NPAS3: variants seen among roughly 807,000 people sequenced by gnomAD.
NPAS3 encodes the protein neuronal PAS domain protein 3.
Under a neutral mutation model 73.1 loss-of-function variants are expected in NPAS3, and 14 were observed. The ratio of observed to expected loss-of-function variants is 0.19; its 90% CI spans 0.13 to 0.30. The LOEUF is 0.30. NPAS3 is among the 10% of genes least tolerant of loss of function. The pLI is 1.00. For synonymous variants in NPAS3, 620 were observed against 541.5 expected (o/e 1.14, Z -2.01); for missense variants, 1,096 against 1,250.0 (o/e 0.88, Z 1.86).
At chr14:33,141,472 T>C (rs1167791684) in intron 2 of NPAS3, among the ~76,000 whole-genome samples, 2 of 152,188 alleles carry the variant, frequency 1.3e-5, no homozygotes, top group African/African-American at 4.8e-5. Context: ...CAGACAAATA[T>C]AAAGATGAAA....
chr14:33,092,391 C>T (rs1342745512), intron 2 of NPAS3, among the ~76,000 whole-genome samples: 1 of 152,068 alleles, frequency 6.6e-6, no homozygotes, highest in African/African-American at 2.4e-5. Context: ...GAATAAAATA[C>T]CTAGGAATCC....
chr14:33,198,885 G>T (rs369718152), intron 2 of NPAS3, among the ~76,000 whole-genome samples: 1 of 152,332 alleles, frequency 6.6e-6, no homozygotes, highest in East Asian at 1.9e-4. Flanking sequence ...GCCCCACAGG[G>T]AGGTGGCTGA....
chr14:33,478,992 A>G (rs1193081956), intron 4 of NPAS3, among the ~76,000 whole-genome samples: 2 of 152,198 alleles, frequency 1.3e-5, no homozygotes, highest in African/African-American at 4.8e-5. Context: ...AGGTAGAAAC[A>G]TCACAGCTAG....
At chr14:33,149,484 T>C (rs938294853) in intron 2 of NPAS3, among the ~76,000 whole-genome samples, 8 of 152,236 alleles carry the variant, frequency 5.3e-5, no homozygotes, top group Admixed American at 5.2e-4. Flanking sequence ...CTTTTGATGG[T>C]ACATGACTTG....
chr14:33,746,114 A>C (rs1261878369), intron 7 of NPAS3, among the ~76,000 whole-genome samples: 1 of 152,052 alleles, frequency 6.6e-6, no homozygotes, highest in African/African-American at 2.4e-5. Flanking sequence ...GCTGCACCTG[A>C]GAGGTAGTAT....
At chr14:33,218,976 G>C (rs2047324869) in intron 3 of NPAS3, among the ~76,000 whole-genome samples, 1 of 152,164 alleles carries the variant, frequency 6.6e-6, no homozygotes. Context: ...TTACTTCATG[G>C]AAATGATAGG....
chr14:33,666,202 T>C (rs181101108), intron 5 of NPAS3, among the ~76,000 whole-genome samples: 2 of 152,340 alleles, frequency 1.3e-5, no homozygotes, highest in East Asian at 3.9e-4. Context: ...CTCTGCCTAA[T>C]GCTTCCCCAA....
intron 2 of NPAS3, among the ~76,000 whole-genome samples, chr14:33,164,132 A>ACAAGTTC (rs2045030265): frequency 6.6e-6 from 1 of 152,236 alleles, no homozygotes; most frequent in Admixed American, 6.5e-5. Context: ...GTGAAAATTC[A>ACAAGTTC]TGTGTTCTCT....
chr14:33,198,732 T>G (rs2046483514), intron 2 of NPAS3, among the ~76,000 whole-genome samples: 1 of 152,182 alleles, frequency 6.6e-6, no homozygotes, highest in African/African-American at 2.4e-5. Flanking sequence ...CCCTGCGCCA[T>G]TCGCCTGCAC....
chr14:33,328,811 A>C (rs1016884388), intron 3 of NPAS3, among the ~76,000 whole-genome samples: 17 of 151,280 alleles, frequency 1.1e-4, no homozygotes, highest in African/African-American at 4.1e-4. Context: ...TACTCCTTTA[A>C]CTTCTGTGTT....
intron 4 of NPAS3, among the ~76,000 whole-genome samples, chr14:33,480,471 G>C (rs1227751637): frequency 6.6e-6 from 1 of 151,698 alleles, no homozygotes; most frequent in Non-Finnish European, 1.5e-5. Flanking sequence ...AACTTCCAAG[G>C]CAGTGAATTC....
intron 4 of NPAS3, among the ~76,000 whole-genome samples, chr14:33,381,625 C>A (rs2046557650): frequency 6.6e-6 from 1 of 151,980 alleles, no homozygotes; most frequent in African/African-American, 2.4e-5. Flanking sequence ...GGATTCGAAC[C>A]CTGAGGTGGA....
chr14:33,768,643 G>A (rs2062542156), intron 7 of NPAS3, among the ~76,000 whole-genome samples: 2 of 152,084 alleles, frequency 1.3e-5, no homozygotes, highest in South Asian at 2.1e-4. Flanking sequence ...AGAATTGTAG[G>A]CATCATTGCC....
At chr14:33,642,872 CTTCT>C (rs1371316506) in intron 5 of NPAS3, among the ~76,000 whole-genome samples, 1 of 152,152 alleles carries the variant, frequency 6.6e-6, no homozygotes, top group Non-Finnish European at 1.5e-5. Context: ...TCACTGATCT[CTTCT>C]TTGTTTGCCA....
chr14:33,702,793 G>T (rs2060556784), intron 6 of NPAS3, among the ~76,000 whole-genome samples: 1 of 152,108 alleles, frequency 6.6e-6, no homozygotes, highest in Non-Finnish European at 1.5e-5. Context: ...CTCCCTGAAT[G>T]GCAAACTTGT....
intron 3 of NPAS3, among the ~76,000 whole-genome samples, chr14:33,259,002 A>C (rs564378069): frequency 1.3e-5 from 2 of 152,068 alleles, no homozygotes; most frequent in South Asian, 4.1e-4. Flanking sequence ...TTTAGTAGAG[A>C]CGAGGTTTCA....
At chr14:33,737,174 G>C (rs1046397758) in intron 7 of NPAS3, among the ~76,000 whole-genome samples, 3 of 152,200 alleles carry the variant, frequency 2.0e-5, no homozygotes, top group Non-Finnish European at 2.9e-5. Flanking sequence ...AGATAGCAAA[G>C]AAAGTGTGAG....
chr14:33,607,713 G>A (rs1013169931), intron 5 of NPAS3, among the ~76,000 whole-genome samples: 3 of 152,262 alleles, frequency 2.0e-5, no homozygotes, highest in South Asian at 4.1e-4. Context: ...GTATTAGTCC[G>A]TTCTCATGCT....
At chr14:33,226,507 C>T (rs962947970) in intron 3 of NPAS3, among the ~76,000 whole-genome samples, 6 of 151,932 alleles carry the variant, frequency 3.9e-5, no homozygotes, top group Non-Finnish European at 8.8e-5. Flanking sequence ...TAGTTTTTTG[C>T]GGGTAAAATT....
Sources: allele counts gnomAD v4.1 joint callset (sites outside exome capture counted in the v4.1 genomes callset), GRCh38; gene constraint gnomAD v4.1.1; transcripts MANE v1.5; gene names NCBI Gene and HGNC (gene_info 2026-07-23, HGNC 2026-07-21).